CADPS2: variants seen among roughly 807,000 people sequenced by gnomAD.
CADPS2 encodes the protein calcium-dependent secretion activator 2.
In CADPS2, 93 loss-of-function variants were observed where a neutral mutation model predicts 172.5. The ratio of observed to expected loss-of-function variants is 0.54; its 90% CI spans 0.46 to 0.64. The LOEUF (loss-of-function observed/expected upper bound fraction) is 0.64. Ranked by LOEUF, CADPS2 falls within the 30% of genes least tolerant of loss-of-function variation. The pLI is 0.00. For missense variants in CADPS2, 1,420 were observed against 1,565.9 expected (o/e 0.91, Z 1.57); for synonymous variants, 546 against 555.2 (o/e 0.98, Z 0.23).
Position 122,688,594 on chromosome 7 carries a change from A to C in CADPS2, c.454-25025T>G, listed in dbSNP as rs541805298. ...AGCTGTTTGAGCTGGCAGCTCCCAC[A>C]CACAGCTGTGCTGCTGGCTCTCCCT... On this transcript the variant is annotated intron_variant, in intron 2 of 29. Coordinates refer to ENST00000449022, the MANE Select transcript of CADPS2 (RefSeq NM_017954.11). Among the ~76,000 whole-genome samples, 166 of 152,342 alleles carry C rather than the reference A, an allele frequency of 1.1e-3. 2 individuals are homozygous for C. The South Asian group carries it at 0.034, about 32-fold the overall frequency.
chr7:122,386,422 T>A, intron 24 of CADPS2: 1 of 568,140 alleles, frequency 1.8e-6, no homozygotes, highest in Non-Finnish European at 2.9e-6. Flanking sequence ...AAAATCAACT[T>A]AAAACAGATA....
At chr7:122,400,444 CAAAACA>C (rs912052653) in intron 20 of CADPS2, among the ~76,000 whole-genome samples, 1 of 150,090 alleles carries the variant, frequency 6.7e-6, no homozygotes, top group African/African-American at 2.4e-5. Context: ...TCTCAAAAAA[CAAAACA>C]AAAACAAAAA....
At chr7:122,568,130 G>T (rs1001296164) in intron 7 of CADPS2, among the ~76,000 whole-genome samples, 5 of 152,108 alleles carry the variant, frequency 3.3e-5, no homozygotes, top group Admixed American at 2.0e-4. Context: ...TGGGCACAGT[G>T]GCTCATGCCT....
At chr7:122,568,331 A>G (rs2066736965) in intron 7 of CADPS2, among the ~76,000 whole-genome samples, 1 of 152,208 alleles carries the variant, frequency 6.6e-6, no homozygotes, top group African/African-American at 2.4e-5. Flanking sequence ...CCAGGGATAA[A>G]GAAGGTCATT....
At chr7:122,464,146 G>A (rs1348520321) in intron 14 of CADPS2, among the ~76,000 whole-genome samples, 2 of 152,176 alleles carry the variant, frequency 1.3e-5, no homozygotes, top group Non-Finnish European at 2.9e-5. Flanking sequence ...TTAGGCTAGA[G>A]TAGGGAAAAT....
At chr7:122,431,499 A>G (rs1265463437) in intron 17 of CADPS2, among the ~76,000 whole-genome samples, 1 of 152,116 alleles carries the variant, frequency 6.6e-6, no homozygotes, top group Non-Finnish European at 1.5e-5. Context: ...GAATGTGGGG[A>G]AAAATAAACA....
chr7:122,886,067 C>G lies in CADPS2; in HGVS notation c.271G>C (p.Val91Leu), dbSNP rs1201801756. 1 of 1,603,334 alleles carries G rather than the reference C, an allele frequency of 6.2e-7. No individual in the cohort carries two copies. Among genetic ancestry groups the G allele is most frequent in the African/African-American group, 1.3e-5 (1 of 74,776 alleles). ...AAGGGGTACGCGATGCACCTCACGA[C>G]GAAGACGTAGAGCTGCAGGCGGATC... ...RRIRLQLYVFVVRCIAYPFNA... is the reference protein window; with the variant it reads ...RRIRLQLYVFLVRCIAYPFNA... The change falls in exon 1 of 30, where the codon GTC (valine) becomes CTC (leucine). Residue 91 changes from valine (V) to leucine (L), a missense_variant. Val to Leu is a conservative substitution (Grantham distance 32). Transcript: ENST00000449022.
chr7:122,329,676 A>G (rs560106576), intron 28 of CADPS2, among the ~76,000 whole-genome samples: 1 of 152,372 alleles, frequency 6.6e-6, no homozygotes, highest in East Asian at 1.9e-4. Flanking sequence ...TCAATTAAAT[A>G]TAACACGTAT....
At chr7:122,499,470 A>C (rs143323656) in intron 9 of CADPS2, among the ~76,000 whole-genome samples, 1 of 152,314 alleles carries the variant, frequency 6.6e-6, no homozygotes, top group Non-Finnish European at 1.5e-5. Context: ...TACGTATTTA[A>C]AAACATGGGC....
intron 17 of CADPS2, among the ~76,000 whole-genome samples, chr7:122,416,535 A>T (rs2047941117): frequency 6.6e-6 from 1 of 152,184 alleles, no homozygotes; most frequent in Non-Finnish European, 1.5e-5. Context: ...CATTCTCACC[A>T]CATGATTCAT....
At chr7:122,404,445 A>C (rs975131194) in intron 20 of CADPS2, among the ~76,000 whole-genome samples, 2 of 152,152 alleles carry the variant, frequency 1.3e-5, no homozygotes, top group Non-Finnish European at 2.9e-5. Context: ...TAGTGCCGCA[A>C]TAAACATACG....
chr7:122,589,214 A>C (rs2070318490), intron 6 of CADPS2, among the ~76,000 whole-genome samples: 2 of 152,022 alleles, frequency 1.3e-5, no homozygotes, highest in Admixed American at 1.3e-4. Flanking sequence ...AGTAGACACA[A>C]TATCCCACCT....
intron 6 of CADPS2, among the ~76,000 whole-genome samples, chr7:122,612,289 T>C (rs773217230): frequency 2.6e-5 from 4 of 151,966 alleles, no homozygotes; most frequent in Non-Finnish European, 5.9e-5. Context: ...GTCTTGTACA[T>C]AGAAAAGTCT....
At chr7:122,685,030 T>C (rs1338493499) in intron 2 of CADPS2, among the ~76,000 whole-genome samples, 2 of 152,240 alleles carry the variant, frequency 1.3e-5, no homozygotes, top group African/African-American at 4.8e-5. Context: ...ATAGATTTTA[T>C]AGTTTATACC....
Position 122,325,570 on chromosome 7 carries a change from G to A in CADPS2, c.3624C>T (p.Ser1208=), listed in dbSNP as rs371207080. Residue 1208 remains serine (S), a synonymous_variant, in exon 29 of 30, where the codon AGC becomes AGT. Coordinates refer to ENST00000449022, the MANE Select transcript of CADPS2 (RefSeq NM_017954.11). The part of the protein sequence containing the change: ...YIEKLFDQWY[S]SSMKVICVWL... ...ACACGCAAATGACTTTCATGGAACT[G>A]CTGTACCATTGCTAGAAGGGAGAAT... is the stretch of plus-strand genomic sequence containing the variant. 3 of 1,607,834 alleles carry A rather than the reference G, an allele frequency of 1.9e-6. No homozygotes were observed. Among genetic ancestry groups the A allele is most frequent in the Non-Finnish European group, 2.6e-6 (3 of 1,176,194 alleles).
At chr7:122,349,717 T>A (rs2038238139) in intron 27 of CADPS2, among the ~76,000 whole-genome samples, 1 of 152,190 alleles carries the variant, frequency 6.6e-6, no homozygotes, top group African/African-American at 2.4e-5. Context: ...CAAGCGTTAA[T>A]CACTAGTTAA....
chr7:122,541,790 TATATATTC>T (rs2063051244), intron 8 of CADPS2, among the ~76,000 whole-genome samples: 2 of 114,100 alleles, frequency 1.8e-5, no homozygotes, highest in Non-Finnish European at 4.0e-5. Flanking sequence ...TTCATATATT[TATATATTC>T]ATATATATTT....
At chr7:122,703,729 G>A (rs2086538147) in intron 2 of CADPS2, among the ~76,000 whole-genome samples, 1 of 152,068 alleles carries the variant, frequency 6.6e-6, no homozygotes. Flanking sequence ...TGGGGAAAAT[G>A]TATTGGAGAG....
At chr7:122,645,393 G>GTACATGTGTGTA (rs1563948463) in intron 3 of CADPS2, among the ~76,000 whole-genome samples, 4 of 54,802 alleles carry the variant, frequency 7.3e-5, no homozygotes, top group East Asian at 4.2e-4. Context: ...ACATGTGTGT[G>GTACATGTGTGTA]TATATATGTA....
Sources: gnomAD v4.1 joint callset for allele counts (sites outside exome capture counted in the v4.1 genomes callset) on GRCh38, gnomAD v4.1.1 for gene constraint, MANE v1.5 for transcripts, NCBI Gene and HGNC (gene_info 2026-07-23, HGNC 2026-07-21) for gene names.